The following BATF variants were observed in gnomAD, a reference collection of about 807,000 sequenced individuals.
BATF encodes the protein basic leucine zipper ATF-like transcription factor, also known as basic leucine zipper transcriptional factor ATF-like.
Under a neutral mutation model 13.7 loss-of-function variants are expected in BATF, and 5 were observed. The ratio of observed to expected loss-of-function variants is 0.36; its 90% CI spans 0.19 to 0.77. The LOEUF (loss-of-function observed/expected upper bound fraction) is 0.77. Among genes scored for constraint, BATF ranks in the 30% least tolerant of loss-of-function variants. The pLI, the probability that BATF is intolerant of heterozygous loss-of-function variation, is 0.51. For missense variants in BATF, 124 were observed against 163.0 expected, an observed-to-expected ratio of 0.76 and a Z score of 1.30; for synonymous variants, 72 against 67.5, an observed-to-expected ratio of 1.07 and a Z score of -0.33.
At chr14:75,527,149 T>G (rs1887665317) in intron 2 of BATF, among the ~76,000 whole-genome samples, 1 of 152,160 alleles carries the variant, frequency 6.6e-6, no homozygotes, top group South Asian at 2.1e-4. Flanking sequence ...ATCGTACATT[T>G]AAAGAGCCCA....
intron 2 of BATF, among the ~76,000 whole-genome samples, chr14:75,544,344 C>A (rs1164518949): frequency 6.6e-6 from 1 of 151,880 alleles, no homozygotes. Context: ...GTGGGCAGAT[C>A]CCCTGAGGTC....
At chr14:75,540,455 A>C (rs950277726) in intron 2 of BATF, among the ~76,000 whole-genome samples, 2 of 152,146 alleles carry the variant, frequency 1.3e-5, no homozygotes, top group Non-Finnish European at 2.9e-5. Flanking sequence ...CTGAGGTGGG[A>C]AAAGAGGGAA....
intron 2 of BATF, among the ~76,000 whole-genome samples, chr14:75,526,086 C>A (rs903217713): frequency 6.6e-6 from 1 of 152,194 alleles, no homozygotes; most frequent in Non-Finnish European, 1.5e-5. Flanking sequence ...AAAGCTTTTA[C>A]CTCTGTCTTG....
chr14:75,541,502 C>G (rs146991533), intron 2 of BATF, among the ~76,000 whole-genome samples: 6 of 152,288 alleles, frequency 3.9e-5, no homozygotes, highest in African/African-American at 1.2e-4. Flanking sequence ...AGGTGACCCC[C>G]TCTCCATGCA....
chr14:75,528,477 C>T (rs772026538), intron 2 of BATF, among the ~76,000 whole-genome samples: 2 of 152,190 alleles, frequency 1.3e-5, no homozygotes, highest in East Asian at 3.8e-4. Flanking sequence ...GAGAGAGCCT[C>T]TTTTTATGAT....
At chr14:75,531,096 A>G (rs548144691) in intron 2 of BATF, among the ~76,000 whole-genome samples, 5 of 152,216 alleles carry the variant, frequency 3.3e-5, no homozygotes, top group Non-Finnish European at 7.3e-5. Flanking sequence ...GACATCAAAC[A>G]TTGAATAATC....
At chr14:75,522,886 G>A (rs905207819) in intron 1 of BATF, 141 bp downstream of exon 1, 1 of 965,552 alleles carries the variant, frequency 1.0e-6, no homozygotes, top group African/African-American at 1.6e-5. Context: ...CTTAGGACAT[G>A]GAATTTGCTA....
At chr14:75,524,759 A>G (rs139641124) in intron 1 of BATF, among the ~76,000 whole-genome samples, 1 of 152,250 alleles carries the variant, frequency 6.6e-6, no homozygotes, top group East Asian at 1.9e-4. Context: ...GAGCAGCCCT[A>G]CAGAGGAGAG....
Position 75,546,615 on chromosome 14 carries a change from TAC to T in BATF, c.324_325del (p.Tyr108Ter). ...CACGCCCTCGCCCCCCGAGGTGGTGTACAGCGCCCACGCATTCCACCAACCTC... is the reference window on the plus strand; with the variant it reads ...CACGCCCTCGCCCCCCGAGGTGGTGTAGCGCCCACGCATTCCACCAACCTC... Reference protein sequence around the residue: ...ASTPSPPEVVYSAHAFHQPHV... With the variant: ...ASTPSPPEVVXSAHAFHQPHV... On this transcript the variant is annotated frameshift_variant, in exon 3 of 3. Coordinates refer to ENST00000286639, the MANE Select transcript of BATF (RefSeq NM_006399.5). LOFTEE classifies it high-confidence loss of function. The T allele has an allele frequency of 6.2e-7, 1 of 1,613,672 alleles. No homozygotes were observed. The highest frequency in any genetic ancestry group is 8.5e-7 in the Non-Finnish European group (1 of 1,179,824).
intron 2 of BATF, among the ~76,000 whole-genome samples, chr14:75,534,571 G>A (rs932034538): frequency 3.3e-5 from 5 of 152,180 alleles, no homozygotes; most frequent in East Asian, 1.9e-4. Context: ...AGTTGAGAAC[G>A]CTACACTAAG....
intron 2 of BATF, among the ~76,000 whole-genome samples, chr14:75,531,845 TG>T (rs751214055): frequency 2.6e-5 from 4 of 152,208 alleles, no homozygotes; most frequent in Admixed American, 6.5e-5. Context: ...GGAATTCTTT[TG>T]CTCTCTCTGG....
rs150191845 is a variant in BATF at position 75,525,328 on chromosome 14, G to A, written c.168+140G>A. The A allele has an allele frequency of 3.3e-3, 2,695 of 822,690 alleles. 93 individuals carry two copies. The Admixed American group carries it at 0.054, about 16-fold the overall frequency. The allele number at this position is 822,690 out of a possible 1,614,324, so 51.0% of individuals were successfully genotyped here. A position where few individuals can be genotyped will look rare whatever the true frequency, so the allele number is the denominator to read the frequency against. ...GGGTTAGTGGAGGGTGAGGGCCGTG[G>A]GGTGAGGTAGGGAAGGGAAGCTGTC... On this transcript the variant is annotated intron_variant, in intron 2 of 2. Transcript: ENST00000286639.
Position 75,546,199 on chromosome 14 carries a change from T to G in BATF, c.169-263T>G, listed in dbSNP as rs567435419. 1.2e-3 allele frequency among the ~76,000 whole-genome samples: 180 copies of G among 152,248 alleles called. 1 individual carries two copies. The highest frequency in any genetic ancestry group is 3.9e-3 in the African/African-American group (164 of 41,546). ...TCTTATAGGTCACAACAGACAAATA[T>G]CAGCAGCTTCACGTGGTTCAGCCTC... is the stretch of plus-strand genomic sequence containing the variant. On this transcript the variant is annotated intron_variant, in intron 2 of 2. Transcript: ENST00000286639.
chr14:75,542,952 G>A (rs1887918994), intron 2 of BATF, among the ~76,000 whole-genome samples: 1 of 152,234 alleles, frequency 6.6e-6, no homozygotes, highest in Non-Finnish European at 1.5e-5. Context: ...CCTCTAGGCG[G>A]GGAGAAGGTC....
chr14:75,532,703 A>G (rs1397642675), intron 2 of BATF, among the ~76,000 whole-genome samples: 6 of 152,076 alleles, frequency 3.9e-5, no homozygotes, highest in Non-Finnish European at 8.8e-5. Context: ...ATTATGATAC[A>G]TTCATACAAT....
At chr14:75,545,134 C>T (rs572273447) in intron 2 of BATF, among the ~76,000 whole-genome samples, 6 of 152,114 alleles carry the variant, frequency 3.9e-5, no homozygotes, top group South Asian at 4.1e-4. Flanking sequence ...CCCAAAATAC[C>T]GTCAGAATGC....
At position 75,536,137 on chromosome 14, in the gene BATF, T is replaced by G. The variant is rs1405594372; in HGVS notation, c.169-10325T>G. On this transcript the variant is annotated intron_variant, in intron 2 of 2. Transcript: ENST00000286639. ...GTTGGAAGTCAGGCTGGAAAACAAA[T>G]AAACACACTAATCACATGACATGTA... Among the ~76,000 whole-genome samples the G allele has an allele frequency of 7.9e-5, 12 of 152,218 alleles. No individual in the cohort carries two copies. The East Asian group carries it at 2.1e-3, about 27-fold the overall frequency.
rs1887842933 is a variant in BATF at position 75,538,046 on chromosome 14, C to T, written c.169-8416C>T. Among the ~76,000 whole-genome samples the T allele has an allele frequency of 3.3e-5, 5 of 152,182 alleles. No individual in the cohort carries two copies. In the South Asian group the frequency reaches 1.0e-3, roughly 32 times the overall value. On this transcript the variant is annotated intron_variant, in intron 2 of 2. Coordinates refer to ENST00000286639, the MANE Select transcript of BATF (RefSeq NM_006399.5). ...CGATCATGGCTGACTGCAGCCTCCA[C>T]CTCCCAGGCACAAATGATCCTCCCA...
intron 2 of BATF, among the ~76,000 whole-genome samples, chr14:75,534,746 C>T (rs149844921): frequency 2.2e-3 from 335 of 152,274 alleles, no homozygotes; most frequent in African/African-American, 7.4e-3. Context: ...TAGAAGCATT[C>T]GCTAGTGGTG....
Sources: gnomAD v4.1 joint callset for allele counts (sites outside exome capture counted in the v4.1 genomes callset) on GRCh38, gnomAD v4.1.1 for gene constraint, MANE v1.5 for transcripts, NCBI Gene and HGNC (gene_info 2026-07-23, HGNC 2026-07-21) for gene names.